Variants in MAGI1 observed in about 807,000 individuals in gnomAD.
MAGI1 encodes membrane-associated guanylate kinase, WW and PDZ domain-containing protein 1.
A neutral mutation model predicts 139.9 loss-of-function variants in MAGI1; 58 were observed. The ratio of observed to expected loss-of-function variants is 0.41; its 90% confidence interval spans 0.34 to 0.52. MAGI1 has a LOEUF of 0.52. MAGI1 is among the 20% of genes least tolerant of loss of function. The pLI is 0.12. For synonymous variants in MAGI1, 812 were observed against 737.9 expected, an observed-to-expected ratio of 1.10 and a Z score of -1.63; for missense variants, 1,874 against 1,901.6, an observed-to-expected ratio of 0.99 and a Z score of 0.27.
chr3:65,622,019 T>C lies in MAGI1; in HGVS notation c.383A>G (p.Glu128Gly). ...GTTATCCCTTATGGTCTGCTGGAGC[T>C]CATGATCAGGAGACCCCTTCTGGAA... ...QRFQKGSPDH[E>G]LQQTIRDNLY... The change falls in exon 2 of 23, where the codon GAG (glutamate) becomes GGG (glycine). Residue 128 changes from glutamate (E) to glycine (G), a missense_variant. Around this residue, in one of 5 missense-constraint regions of MAGI1, gnomAD observed 648 missense variants for 598.1 expected, o/e 1.08. Coordinates refer to ENST00000402939, the MANE Select transcript of MAGI1 (RefSeq NM_001033057.2). 1 of 1,613,940 alleles carries C rather than the reference T, an allele frequency of 6.2e-7. No homozygotes were observed. Among genetic ancestry groups the C allele is most frequent in the Non-Finnish European group, 8.5e-7 (1 of 1,179,946 alleles).
chr3:65,668,078 G>A (rs753864827), intron 1 of MAGI1, among the ~76,000 whole-genome samples: 1 of 152,128 alleles, frequency 6.6e-6, no homozygotes, highest in Non-Finnish European at 1.5e-5. Flanking sequence ...CCAAACCCAG[G>A]CTGCTTAGGT....
At chr3:65,581,697 C>T (rs1401604792) in intron 2 of MAGI1, among the ~76,000 whole-genome samples, 1 of 152,154 alleles carries the variant, frequency 6.6e-6, no homozygotes, top group Non-Finnish European at 1.5e-5. Flanking sequence ...CCTACTGAAA[C>T]CTGCCATTCA....
chr3:65,970,136 C>A (rs917447550), intron 1 of MAGI1, among the ~76,000 whole-genome samples: 1 of 152,162 alleles, frequency 6.6e-6, no homozygotes, highest in Non-Finnish European at 1.5e-5. Flanking sequence ...GGTGTGCATA[C>A]ATGGCAGAAT....
chr3:65,887,389 G>GA (rs11364374), intron 1 of MAGI1, among the ~76,000 whole-genome samples: 27 of 121,278 alleles, frequency 2.2e-4, no homozygotes, highest in Non-Finnish European at 2.2e-4. Context: ...ACTGATACCA[G>GA]AAAAAAAAAA....
At chr3:65,430,451 C>G (rs1947370356) in intron 11 of MAGI1, among the ~76,000 whole-genome samples, 1 of 152,074 alleles carries the variant, frequency 6.6e-6, no homozygotes, top group African/African-American at 2.4e-5. Context: ...GTTTTAGTAA[C>G]TCATTGCTTT....
intron 2 of MAGI1, among the ~76,000 whole-genome samples, chr3:65,568,957 T>C (rs1349187492): frequency 6.6e-6 from 1 of 152,212 alleles, no homozygotes; most frequent in African/African-American, 2.4e-5. Context: ...TAGCAGCCCA[T>C]GTGCTAAATC....
chr3:65,896,259 A>G (rs531431036), intron 1 of MAGI1, among the ~76,000 whole-genome samples: 37 of 152,232 alleles, frequency 2.4e-4, no homozygotes, highest in Non-Finnish European at 4.3e-4. Flanking sequence ...AGCGTATATA[A>G]TAAGTATTTT....
At chr3:65,621,934 C>T (rs371202971) in intron 2 of MAGI1, 38 bp downstream of exon 2, 3 of 1,431,374 alleles carry the variant, frequency 2.1e-6, no homozygotes, top group East Asian at 2.3e-5. Context: ...CACACACACA[C>T]ACACACAGCA....
At chr3:65,624,984 T>C (rs891629154) in intron 1 of MAGI1, among the ~76,000 whole-genome samples, 1 of 152,166 alleles carries the variant, frequency 6.6e-6, no homozygotes, top group African/African-American at 2.4e-5. Context: ...GCGATTTTCA[T>C]GCCTCAGCCT....
At chr3:65,608,852 A>T (rs1049809998) in intron 2 of MAGI1, among the ~76,000 whole-genome samples, 1 of 152,228 alleles carries the variant, frequency 6.6e-6, no homozygotes, top group African/African-American at 2.4e-5. Flanking sequence ...ACAAATCAAC[A>T]GAAGAATGGG....
intron 1 of MAGI1, among the ~76,000 whole-genome samples, chr3:66,020,007 T>C (rs1560117437): frequency 1.3e-5 from 2 of 152,188 alleles, no homozygotes; most frequent in Admixed American, 1.3e-4. Flanking sequence ...GGGCACCAAT[T>C]TGCATAAGCA....
At chr3:65,501,447 C>T (rs1325949692) in intron 2 of MAGI1, among the ~76,000 whole-genome samples, 1 of 49,068 alleles carries the variant, frequency 2.0e-5, no homozygotes, top group African/African-American at 8.2e-5. Flanking sequence ...TAGCGAGACT[C>T]TGTCTCAAAA....
chr3:65,666,004 C>T (rs1016312237), intron 1 of MAGI1, among the ~76,000 whole-genome samples: 1 of 152,038 alleles, frequency 6.6e-6, no homozygotes, highest in Non-Finnish European at 1.5e-5. Flanking sequence ...CTTTTTTAAA[C>T]CATTAAGGAA....
chr3:66,005,788 C>T (rs992006818), intron 1 of MAGI1, among the ~76,000 whole-genome samples: 3 of 152,102 alleles, frequency 2.0e-5, no homozygotes, highest in African/African-American at 7.2e-5. Flanking sequence ...ACAAAGAGAT[C>T]TTCCATGCAT....
intron 1 of MAGI1, among the ~76,000 whole-genome samples, chr3:65,940,534 C>A (rs563599852): frequency 3.0e-4 from 46 of 152,290 alleles, no homozygotes; most frequent in African/African-American, 1.0e-3. Context: ...GAGGGCTCCA[C>A]CCCTATGATC....
chr3:65,572,316 C>T (rs2080995991), intron 2 of MAGI1, among the ~76,000 whole-genome samples: 1 of 152,022 alleles, frequency 6.6e-6, no homozygotes, highest in Non-Finnish European at 1.5e-5. Context: ...ATGAGGAGAG[C>T]TGAATTTGCC....
At chr3:65,933,419 TG>T (rs1217542297) in intron 1 of MAGI1, among the ~76,000 whole-genome samples, 1 of 152,186 alleles carries the variant, frequency 6.6e-6, no homozygotes, top group Non-Finnish European at 1.5e-5. Context: ...CCATGCTACG[TG>T]GACCTTTCTC....
chr3:66,033,079 A>T (rs1046776926), intron 1 of MAGI1, among the ~76,000 whole-genome samples: 1 of 150,754 alleles, frequency 6.6e-6, no homozygotes, highest in African/African-American at 2.4e-5. Flanking sequence ...CCCAGGCTGG[A>T]GTGCAGTGGT....
intron 1 of MAGI1, among the ~76,000 whole-genome samples, chr3:65,893,006 C>T (rs1360911491): frequency 6.6e-6 from 1 of 152,042 alleles, no homozygotes; most frequent in Non-Finnish European, 1.5e-5. Flanking sequence ...AGGTAACACA[C>T]CAGAGAAGGA....
Sources: gnomAD v4.1 joint callset for allele counts (sites outside exome capture counted in the v4.1 genomes callset) on GRCh38, gnomAD v4.1.1 for gene constraint, gnomAD v4.1.1 regional missense constraint, MANE v1.5 for transcripts, NCBI Gene and HGNC (gene_info 2026-07-23, HGNC 2026-07-21) for gene names.